The following PAN3 variants were observed in gnomAD, a reference collection of about 807,000 sequenced individuals.
PAN3 encodes the protein poly(A) specific ribonuclease subunit PAN3, also known as PAN2-PAN3 deadenylation complex subunit PAN3.
In PAN3, 19 loss-of-function variants were observed where a neutral mutation model predicts 96.2. The ratio of observed to expected loss-of-function variants is 0.20; its 90% CI spans 0.14 to 0.29. The LOEUF (loss-of-function observed/expected upper bound fraction) is 0.29, where lower values mean the gene tolerates loss of function less well. Ranked by LOEUF, PAN3 falls within the 10% of genes least tolerant of loss-of-function variation. PAN3 has a pLI of 1.00. For missense variants in PAN3, 882 were observed against 1,108.1 expected (o/e 0.80, Z 2.90); for synonymous variants, 433 against 406.6 (o/e 1.06, Z -0.78).
intron 5 of PAN3, among the ~76,000 whole-genome samples, chr13:28,217,879 T>C (rs1880983503): frequency 6.6e-6 from 1 of 151,888 alleles, no homozygotes; most frequent in Non-Finnish European, 1.5e-5. Flanking sequence ...TATCCCAAAC[T>C]CCTTATTGTT....
rs1227043616 is a variant in PAN3, at chr13:28,293,609, T to G, written c.*1087T>G. 6.6e-6 allele frequency: 1 copy of G among 152,534 alleles called. No homozygotes were observed. Among genetic ancestry groups the G allele is most frequent in the Non-Finnish European group, 1.5e-5 (1 of 68,024 alleles). The allele number at this position is 152,534 out of a possible 1,614,324, so 9.4% of individuals were successfully genotyped here. A position where few individuals can be genotyped will look rare whatever the true frequency, so the allele number is the denominator to read the frequency against. On this transcript the variant is annotated 3_prime_UTR_variant, in exon 19 of 19. Transcript: ENST00000380958. ...CGATCTGCTGTGCCTTTGCAGTCAC[T>G]GCTTAGCCCAAAGTAATAGTACTTT...
At chr13:28,216,188 A>G (rs1468010222) in intron 5 of PAN3, among the ~76,000 whole-genome samples, 1 of 149,794 alleles carries the variant, frequency 6.7e-6, no homozygotes, top group Non-Finnish European at 1.5e-5. Flanking sequence ...CATTAAAACA[A>G]AGTTTAGTGA....
chr13:28,159,941 T>C (rs1034896956), intron 1 of PAN3, among the ~76,000 whole-genome samples: 1 of 151,900 alleles, frequency 6.6e-6, no homozygotes, highest in Non-Finnish European at 1.5e-5. Flanking sequence ...TTTTTTAATA[T>C]TTATTTTTTA....
intron 15 of PAN3, among the ~76,000 whole-genome samples, chr13:28,278,319 A>G (rs914328932): frequency 3.9e-5 from 6 of 152,232 alleles, no homozygotes; most frequent in African/African-American, 1.4e-4. Flanking sequence ...AAATTCAAAT[A>G]AGATGATTTA....
intron 1 of PAN3, among the ~76,000 whole-genome samples, chr13:28,142,805 T>C (rs1870044396): frequency 6.6e-6 from 1 of 152,246 alleles, no homozygotes; most frequent in Admixed American, 6.5e-5. Context: ...CTTACCTGTG[T>C]TGGAATTAGA....
At chr13:28,276,409 G>A (rs1364061941) in intron 14 of PAN3, among the ~76,000 whole-genome samples, 1 of 152,182 alleles carries the variant, frequency 6.6e-6, no homozygotes, top group African/African-American at 2.4e-5. Context: ...GCATGTGGTT[G>A]TTAATAGCTT....
At chr13:28,178,742 A>G (rs1330681978) in intron 4 of PAN3, among the ~76,000 whole-genome samples, 1 of 152,168 alleles carries the variant, frequency 6.6e-6, no homozygotes, top group Non-Finnish European at 1.5e-5. Context: ...ATTTCAACAT[A>G]TCTCATTAAT....
At position 28,138,686 on chromosome 13, in the gene PAN3, C is replaced by G; in HGVS notation, c.29C>G (p.Pro10Arg). 2 of 965,918 alleles carry G rather than the reference C, an allele frequency of 2.1e-6. No individual in the cohort carries two copies. The highest frequency in any genetic ancestry group is 2.8e-6 in the Non-Finnish European group (2 of 720,138). 59.8% of individuals were successfully genotyped at this position (965,918 alleles called of 1,614,324 possible). The change falls in exon 1 of 19, where the codon CCC (proline) becomes CGC (arginine). Residue 10 changes from proline (P) to arginine (R), a missense_variant. Physicochemically the swap from Pro to Arg is moderately radical, Grantham distance 103 (BLOSUM62 -2). This residue lies in a region of PAN3 where 442 missense variants were observed against 422.8 expected (regional missense o/e 1.05). Transcript: ENST00000380958. MNSGGGLPP[P>R]SAAASPSSSS... ...AACAGTGGCGGCGGCCTCCCGCCCCCCTCGGCCGCCGCCTCCCCTTCCTCC... is the reference window on the plus strand; with the variant it reads ...AACAGTGGCGGCGGCCTCCCGCCCCGCTCGGCCGCCGCCTCCCCTTCCTCC...
intron 7 of PAN3, among the ~76,000 whole-genome samples, chr13:28,259,301 T>G (rs567669754): frequency 1.9e-3 from 274 of 141,198 alleles, no homozygotes; most frequent in African/African-American, 6.5e-3. Context: ...CTAATTTGTG[T>G]TTTTTTTGTT....
At chr13:28,249,688 G>T (rs954230944) in intron 6 of PAN3, among the ~76,000 whole-genome samples, 3 of 152,080 alleles carry the variant, frequency 2.0e-5, no homozygotes, top group African/African-American at 7.2e-5. Context: ...GACCTCAAGG[G>T]ATCTACCCGT....
In PAN3 at chr13:28,167,042, AT is replaced by A. The variant is rs1177388534; in HGVS notation, c.431-7229del. ...GAATATCAGTTGCTTCCTTTTATCT[AT>A]ATGAATCTCTTTACCTTTTTATTTT... On this transcript the variant is annotated intron_variant, in intron 1 of 18. Coordinates refer to ENST00000380958, the MANE Select transcript of PAN3 (RefSeq NM_175854.8). Among the ~76,000 whole-genome samples, 30 of 145,238 alleles carry A rather than the reference AT, an allele frequency of 2.1e-4. No homozygotes were observed. In the East Asian group the frequency reaches 6.0e-3, roughly 29 times the overall value.
rs1329244859 is a variant in PAN3 at position 28,256,433 on chromosome 13, A to G, written c.1142A>G (p.Asn381Ser). ...TCTAGTGCCTCTACATCTGTTAATA[A>G]TCCTGTTTCTCAGACTCCGTCTTCT... Reference protein sequence around the residue: ...VPSSASTSVNNPVSQTPSSGQ... With the variant: ...VPSSASTSVNSPVSQTPSSGQ... Residue 381 changes from asparagine (N) to serine (S), a missense_variant, in exon 7 of 19, where the codon AAT becomes AGT. By Grantham distance (46) the Asn-to-Ser change is conservative. This residue lies in a region of PAN3 where 364 missense variants were observed against 513.6 expected (regional missense o/e 0.71). Transcript: ENST00000380958. 1 of 1,613,954 alleles carries G rather than the reference A, an allele frequency of 6.2e-7. No individual in the cohort carries two copies. Among genetic ancestry groups the G allele is most frequent in the Non-Finnish European group, 8.5e-7 (1 of 1,179,964 alleles).
chr13:28,288,981 C>T (rs1234283962), intron 18 of PAN3, among the ~76,000 whole-genome samples: 4 of 152,146 alleles, frequency 2.6e-5, no homozygotes, highest in East Asian at 3.9e-4. Context: ...CACCCACCAC[C>T]ATGCCCGGCT....
At chr13:28,251,761 G>A (rs1884743452) in intron 6 of PAN3, among the ~76,000 whole-genome samples, 1 of 151,820 alleles carries the variant, frequency 6.6e-6, no homozygotes, top group Admixed American at 6.6e-5. Flanking sequence ...TACCCTTGTG[G>A]GCCTTAGAAA....
At chr13:28,285,685 T>TC (rs1178858710) in intron 17 of PAN3, among the ~76,000 whole-genome samples, 1 of 152,170 alleles carries the variant, frequency 6.6e-6, no homozygotes, top group Non-Finnish European at 1.5e-5. Context: ...ATTTTCTATC[T>TC]CTAATTTTTT....
At chr13:28,177,072 A>G (rs764394369) in intron 3 of PAN3, among the ~76,000 whole-genome samples, 12 of 152,146 alleles carry the variant, frequency 7.9e-5, no homozygotes, top group Non-Finnish European at 1.5e-4. Context: ...GGCATTTAAT[A>G]TATTTTTTAG....
rs1013512642 is a variant in PAN3, at chr13:28,294,464, G to A, written c.*1942G>A. On this transcript the variant is annotated 3_prime_UTR_variant, in exon 19 of 19. Transcript: ENST00000380958. ...AATATGAAATGCTTAATTTATAAGC[G>A]GGCTGGAGATTTTTTCCAATATTGT... 14 of 152,486 alleles carry A rather than the reference G, an allele frequency of 9.2e-5. No individual in the cohort carries two copies. Among genetic ancestry groups the A allele is most frequent in the African/African-American group, 3.1e-4 (13 of 41,392 alleles). The allele number at this position is 152,486 out of a possible 1,614,324, so 9.4% of individuals were successfully genotyped here.
Position 28,234,465 on chromosome 13 carries a change from T to G in PAN3, c.1000+14087T>G, listed in dbSNP as rs564203750. 5.3e-5 allele frequency among the ~76,000 whole-genome samples: 8 copies of G among 152,332 alleles called. No homozygotes were observed. The South Asian group carries it at 1.7e-3, about 32-fold the overall frequency. On this transcript the variant is annotated intron_variant, in intron 6 of 18. Transcript: ENST00000380958. ...TATTGGTGTGCATGTGAATGTATAA[T>G]TTCTATATGCTGTAAAAATTATAGG...
At chr13:28,141,676 A>G (rs1462436361) in intron 1 of PAN3, among the ~76,000 whole-genome samples, 2 of 152,028 alleles carry the variant, frequency 1.3e-5, no homozygotes, top group Non-Finnish European at 2.9e-5. Context: ...CATGTTGGTC[A>G]GGCTGGTCTC....
Sources: gnomAD v4.1 joint callset for allele counts (sites outside exome capture counted in the v4.1 genomes callset) on GRCh38, gnomAD v4.1.1 for gene constraint, gnomAD v4.1.1 regional missense constraint, MANE v1.5 for transcripts, NCBI Gene and HGNC (gene_info 2026-07-23, HGNC 2026-07-21) for gene names.